Variants in REPS1 observed in about 807,000 individuals in gnomAD.
REPS1 encodes the protein RALBP1 associated Eps domain containing 1, also known as ralBP1-associated Eps domain-containing protein 1.
Under a neutral mutation model 100.9 loss-of-function variants are expected in REPS1, and 39 were observed. That is an observed-to-expected ratio of 0.39 (90% CI 0.30 to 0.50). The LOEUF (loss-of-function observed/expected upper bound fraction) is 0.50, where lower values mean the gene tolerates loss of function less well. Among genes scored for constraint, REPS1 ranks in the 20% least tolerant of loss-of-function variants. REPS1 has a pLI of 0.86. For synonymous variants in REPS1, 324 were observed against 340.3 expected (o/e 0.95, Z 0.53); for missense variants, 821 against 968.5 (o/e 0.85, Z 2.02).
At chr6:138,908,217 G>C (rs1464163890) in intron 18 of REPS1, among the ~76,000 whole-genome samples, 1 of 147,956 alleles carries the variant, frequency 6.8e-6, no homozygotes, top group East Asian at 2.1e-4. Context: ...AACATGGGAA[G>C]AATACCTACC....
chr6:138,923,918 T>G (rs536751218), intron 10 of REPS1, among the ~76,000 whole-genome samples: 1 of 149,130 alleles, frequency 6.7e-6, no homozygotes, highest in South Asian at 2.1e-4. Context: ...AAGAGTAGAG[T>G]TTTTCCCCCC....
chr6:138,958,125 T>C (rs964049401), intron 1 of REPS1, among the ~76,000 whole-genome samples: 12 of 152,164 alleles, frequency 7.9e-5, no homozygotes, highest in African/African-American at 2.9e-4. Context: ...GAGAAGTAAC[T>C]TGAGTGAAAT....
intron 12 of REPS1, among the ~76,000 whole-genome samples, chr6:138,918,666 T>A (rs1046160649): frequency 6.6e-6 from 1 of 152,204 alleles, no homozygotes; most frequent in Non-Finnish European, 1.5e-5. Flanking sequence ...TAAAAGTAAT[T>A]TTAAAATTGT....
chr6:138,915,834 A>G (rs768563537), intron 14 of REPS1, 24 bp downstream of exon 14: 1 of 1,442,918 alleles, frequency 6.9e-7, no homozygotes, highest in Non-Finnish European at 9.7e-7. Context: ...ATGATAATGT[A>G]TATTATGGTT....
chr6:138,940,760 GA>G (rs980700432), intron 8 of REPS1, among the ~76,000 whole-genome samples: 141 of 125,380 alleles, frequency 1.1e-3, no homozygotes, highest in African/African-American at 3.4e-3. Context: ...AAAGAAAAAA[GA>G]AAAAAAAAAA....
At chr6:138,916,291 G>C (rs992681147) in intron 13 of REPS1, 5 of 230,832 alleles carry the variant, frequency 2.2e-5, no homozygotes, top group Non-Finnish European at 3.3e-5. Flanking sequence ...CACCATTTTG[G>C]CTCACTGCAA....
intron 10 of REPS1, among the ~76,000 whole-genome samples, chr6:138,921,597 G>C (rs966634544): frequency 6.2e-5 from 5 of 81,272 alleles, no homozygotes; most frequent in African/African-American, 9.3e-5. Flanking sequence ...TTTTTTTTGA[G>C]ATGGAGTCTC....
At chr6:138,907,720 A>G (rs1477410691) in intron 18 of REPS1, 120 bp from the exon 19 acceptor site, 2 of 639,674 alleles carry the variant, frequency 3.1e-6, no homozygotes. Flanking sequence ...TTTCCTTACT[A>G]GCACAGCTCA....
At chr6:138,930,986 A>G (rs1781450381) in intron 8 of REPS1, among the ~76,000 whole-genome samples, 1 of 152,182 alleles carries the variant, frequency 6.6e-6, no homozygotes, top group Non-Finnish European at 1.5e-5. Context: ...AAACAGAAGG[A>G]AATTTCAAAG....
At chr6:138,944,354 G>T in intron 5 of REPS1, 144 bp downstream of exon 5, 1 of 860,162 alleles carries the variant, frequency 1.2e-6, no homozygotes. Context: ...TAACAGATTT[G>T]AAATGCACAG....
Position 138,962,008 on chromosome 6 carries a change from A to G in REPS1, c.154-14095T>C, listed in dbSNP as rs1232078911. 5.9e-5 allele frequency among the ~76,000 whole-genome samples: 9 copies of G among 152,348 alleles called. No individual in the cohort carries two copies. The East Asian group carries it at 1.2e-3, about 20-fold the overall frequency. ...AATGACACCATGAAGAGATTTTTCT[A>G]AAGTTGGATACACGGAATTTTCTAT... On this transcript the variant is annotated intron_variant, in intron 1 of 19. Transcript: ENST00000450536.
chr6:138,906,602 A>C (rs574354665), intron 19 of REPS1, among the ~76,000 whole-genome samples: 17 of 152,356 alleles, frequency 1.1e-4, no homozygotes, highest in African/African-American at 4.1e-4. Context: ...GGACAGTGTA[A>C]TAAATGCTAA....
At chr6:138,914,100 C>T (rs1780195261) in intron 15 of REPS1, among the ~76,000 whole-genome samples, 1 of 150,444 alleles carries the variant, frequency 6.6e-6, no homozygotes, top group Non-Finnish European at 1.5e-5. Flanking sequence ...GACAGGGTCT[C>T]ACTCTGTCAT....
At chr6:138,907,643 C>A in intron 18 of REPS1, 43 bp from the exon 19 acceptor site, 2 of 1,220,824 alleles carry the variant, frequency 1.6e-6, no homozygotes, top group Non-Finnish European at 2.4e-6. Flanking sequence ...ACCTTCATTT[C>A]TTATCTTAAA....
intron 1 of REPS1, among the ~76,000 whole-genome samples, chr6:138,981,173 G>C (rs1209836671): frequency 2.6e-5 from 4 of 152,154 alleles, no homozygotes; most frequent in African/African-American, 9.7e-5. Flanking sequence ...GGAATCAACA[G>C]CCCAAAAGAG....
At chr6:138,976,675 T>C (rs897485999) in intron 1 of REPS1, among the ~76,000 whole-genome samples, 4 of 152,212 alleles carry the variant, frequency 2.6e-5, no homozygotes, top group Non-Finnish European at 5.9e-5. Flanking sequence ...GGTCAATAGA[T>C]GGAAACTGGT....
At chr6:138,937,819 C>T (rs1289095992) in intron 8 of REPS1, among the ~76,000 whole-genome samples, 1 of 152,162 alleles carries the variant, frequency 6.6e-6, no homozygotes, top group African/African-American at 2.4e-5. Flanking sequence ...TTGCTAGGCA[C>T]TGAGATATAA....
In REPS1 at chr6:138,904,020, ATAT is replaced by A. The variant is rs1779495863; in HGVS notation, c.*1041_*1043del. The A allele has an allele frequency of 6.6e-6, 1 of 152,216 alleles. No homozygotes were observed. Among genetic ancestry groups the A allele is most frequent in the Non-Finnish European group, 1.5e-5 (1 of 68,020 alleles). 9.4% of individuals were successfully genotyped at this position (152,216 alleles called of 1,614,324 possible). The stretch of plus-strand genomic sequence containing the variant: ...GTTAAAAAGATGAACAAAAGTTAAA[ATAT>A]TATGCTGTTTTATTGGTGTAAAACC... On this transcript the variant is annotated 3_prime_UTR_variant, in exon 20 of 20. Transcript: ENST00000450536.
chr6:138,969,269 A>ATTTTTTTTTTTTGTTTTTTTTTTTTTTT (rs1784186875), intron 1 of REPS1, among the ~76,000 whole-genome samples: 1 of 74,258 alleles, frequency 1.3e-5, no homozygotes, highest in Non-Finnish European at 2.6e-5. Context: ...CAAAGCTGTA[A>ATTTTTTTTTTTTGTTTTTTTTTTTTTTT]TTTTTTTTTT....
Sources: gnomAD v4.1 joint callset for allele counts (sites outside exome capture counted in the v4.1 genomes callset) on GRCh38, gnomAD v4.1.1 for gene constraint, MANE v1.5 for transcripts, NCBI Gene and HGNC (gene_info 2026-07-23, HGNC 2026-07-21) for gene names.